The following CNTN3 variants were observed in gnomAD, a reference collection of about 807,000 sequenced individuals.
The protein encoded by CNTN3 is contactin 3, also known as contactin-3.
Under a neutral mutation model 119.1 loss-of-function variants are expected in CNTN3, and 60 were observed. The observed-to-expected ratio is 0.50, with a 90% CI of 0.41 to 0.62. The LOEUF is 0.62. CNTN3 is among the 20% of genes least tolerant of loss of function. CNTN3 has a pLI of 0.00. For synonymous variants in CNTN3, 450 were observed against 438.7 expected, an observed-to-expected ratio of 1.03 and a Z score of -0.32; for missense variants, 1,101 against 1,242.4, an observed-to-expected ratio of 0.89 and a Z score of 1.71.
chr3:74,381,053 G>GT (rs199984955), intron 5 of CNTN3, among the ~76,000 whole-genome samples: 60 of 143,962 alleles, frequency 4.2e-4, no homozygotes, highest in East Asian at 3.9e-3. Context: ...TGGAGAAATT[G>GT]TTTTTTTTTT....
At chr3:74,344,185 G>C (rs893243648) in intron 11 of CNTN3, among the ~76,000 whole-genome samples, 1 of 151,934 alleles carries the variant, frequency 6.6e-6, no homozygotes, top group African/African-American at 2.4e-5. Context: ...AATATTTGTT[G>C]TCTCAACAAA....
chr3:74,595,419 G>A (rs1173752369), intron 1 of CNTN3, among the ~76,000 whole-genome samples: 1 of 151,858 alleles, frequency 6.6e-6, no homozygotes, highest in East Asian at 1.9e-4. Flanking sequence ...GGGTTTTTAT[G>A]GTTTTAGGTC....
intron 5 of CNTN3, among the ~76,000 whole-genome samples, chr3:74,373,364 G>T (rs1185300759): frequency 6.6e-6 from 1 of 152,182 alleles, no homozygotes; most frequent in Non-Finnish European, 1.5e-5. Context: ...AGGAGGGAAA[G>T]CAATCTTTCT....
chr3:74,271,054 T>C (rs990222381), intron 20 of CNTN3, among the ~76,000 whole-genome samples: 1 of 152,216 alleles, frequency 6.6e-6, no homozygotes, highest in African/African-American at 2.4e-5. Context: ...TGATCCTCTG[T>C]GCACTTGATT....
intron 13 of CNTN3, among the ~76,000 whole-genome samples, chr3:74,329,565 A>T (rs184438955): frequency 6.6e-6 from 1 of 152,298 alleles, no homozygotes; most frequent in African/African-American, 2.4e-5. Flanking sequence ...TAAGTCCAAA[A>T]GTTAGCTTAC....
At chr3:74,278,487 A>T (rs2106767145) in intron 20 of CNTN3, among the ~76,000 whole-genome samples, 1 of 152,238 alleles carries the variant, frequency 6.6e-6, no homozygotes, top group Non-Finnish European at 1.5e-5. Flanking sequence ...CAACAAAGGA[A>T]ACAAAATCAT....
intron 11 of CNTN3, among the ~76,000 whole-genome samples, chr3:74,354,039 T>C (rs888410271): frequency 5.9e-5 from 9 of 152,058 alleles, no homozygotes; most frequent in Non-Finnish European, 1.5e-5. Context: ...AATCCAATAA[T>C]ACAGCATATA....
At chr3:74,337,006 T>C (rs1414166725) in intron 11 of CNTN3, among the ~76,000 whole-genome samples, 1 of 152,142 alleles carries the variant, frequency 6.6e-6, no homozygotes, top group African/African-American at 2.4e-5. Flanking sequence ...AGATTATTCA[T>C]GGAGTTAGCC....
chr3:74,614,433 T>TCGCCGCCGCCGCCGCCGC lies in CNTN3; in HGVS notation c.-141_-124dup, dbSNP rs548175205. Among the ~76,000 whole-genome samples, 73 of 145,446 alleles carry TCGCCGCCGCCGCCGCCGC rather than the reference T, an allele frequency of 5.0e-4. No individual in the cohort carries two copies. The highest frequency in any genetic ancestry group is 3.8e-3 in the Admixed American group (56 of 14,720). ...CCAGACGCCCGCCCCGACGGCCCACTCGCCGCCGCCGCCGCCGCCGCCGCC... is the reference window on the plus strand; with the variant it reads ...CCAGACGCCCGCCCCGACGGCCCACTCGCCGCCGCCGCCGCCGCCGCCGCCGCCGCCGCCGCCGCCGCC... On this transcript the variant is annotated 5_prime_UTR_variant, in exon 1 of 23. Transcript: ENST00000263665.
intron 11 of CNTN3, among the ~76,000 whole-genome samples, chr3:74,341,378 G>A (rs951839617): frequency 3.3e-5 from 5 of 152,104 alleles, no homozygotes; most frequent in African/African-American, 9.7e-5. Context: ...CTGCAAATGC[G>A]TAGAGCTGAA....
chr3:74,510,459 A>G (rs924763202), intron 2 of CNTN3, among the ~76,000 whole-genome samples: 1 of 152,114 alleles, frequency 6.6e-6, no homozygotes, highest in Non-Finnish European at 1.5e-5. Context: ...ACGAAAGTAC[A>G]TACAAAAATA....
chr3:74,543,916 A>C (rs1461732540), intron 1 of CNTN3, among the ~76,000 whole-genome samples: 1 of 152,230 alleles, frequency 6.6e-6, no homozygotes, highest in Non-Finnish European at 1.5e-5. Context: ...TTCCAGTTTA[A>C]AAGAAGGCCA....
chr3:74,429,256 CA>C (rs1701745197), intron 4 of CNTN3, among the ~76,000 whole-genome samples: 1 of 151,266 alleles, frequency 6.6e-6, no homozygotes, highest in Non-Finnish European at 1.5e-5. Flanking sequence ...AGACTAAAAA[CA>C]AAGCAGGAAG....
At chr3:74,416,816 C>T (rs2106881040) in intron 5 of CNTN3, among the ~76,000 whole-genome samples, 1 of 151,926 alleles carries the variant, frequency 6.6e-6, no homozygotes, top group East Asian at 1.9e-4. Flanking sequence ...GGCAAAACCC[C>T]ATCTCTTTTA....
intron 5 of CNTN3, among the ~76,000 whole-genome samples, chr3:74,393,546 G>C (rs937974244): frequency 1.3e-5 from 2 of 152,200 alleles, no homozygotes; most frequent in Non-Finnish European, 2.9e-5. Flanking sequence ...AAACCAAAAT[G>C]TAATTATCAG....
chr3:74,575,644 G>C (rs920180056), intron 1 of CNTN3, among the ~76,000 whole-genome samples: 4 of 29,966 alleles, frequency 1.3e-4, no homozygotes, highest in African/African-American at 3.3e-4. Flanking sequence ...CACACACACA[G>C]TTCAAACTAC....
chr3:74,465,349 T>C lies in CNTN3; in HGVS notation c.358+21107A>G, dbSNP rs540176310. 3.3e-5 allele frequency among the ~76,000 whole-genome samples: 5 copies of C among 152,240 alleles called. No homozygotes were observed. The South Asian group carries it at 1.0e-3, about 32-fold the overall frequency. On this transcript the variant is annotated intron_variant, in intron 4 of 22. Transcript: ENST00000263665. Reference sequence around the variant, plus strand: ...AACAAAAAGGTCTTTATCGTTACTATTACACTCACGACTCAGTCAAAGAGT... The same window carrying C: ...AACAAAAAGGTCTTTATCGTTACTACTACACTCACGACTCAGTCAAAGAGT...
intron 4 of CNTN3, among the ~76,000 whole-genome samples, chr3:74,462,971 T>C (rs1257784218): frequency 6.6e-6 from 1 of 152,202 alleles, no homozygotes; most frequent in Non-Finnish European, 1.5e-5. Flanking sequence ...TTCTTCCTTG[T>C]AGATCCATGT....
intron 5 of CNTN3, among the ~76,000 whole-genome samples, chr3:74,372,603 A>C (rs1704369620): frequency 6.6e-6 from 1 of 152,062 alleles, no homozygotes; most frequent in South Asian, 2.1e-4. Flanking sequence ...AAAAAAAAAA[A>C]CTTTTGGAAA....
Sources: allele counts gnomAD v4.1 joint callset (sites outside exome capture counted in the v4.1 genomes callset), GRCh38; gene constraint gnomAD v4.1.1; transcripts MANE v1.5; gene names NCBI Gene and HGNC (gene_info 2026-07-23, HGNC 2026-07-21).